Variants in IL3RA observed in about 807,000 individuals in gnomAD.
IL3RA encodes the protein interleukin-3 receptor subunit alpha.
A neutral mutation model predicts 52.3 loss-of-function variants in IL3RA; 73 were observed. The ratio of observed to expected loss-of-function variants is 1.40; its 90% confidence interval spans 1.16 to 1.70. The LOEUF (loss-of-function observed/expected upper bound fraction) is 1.70, where lower values mean the gene tolerates loss of function less well. Ranked by LOEUF, IL3RA falls within the 40% of genes most tolerant of loss-of-function variation. IL3RA has a pLI of 0.00. For synonymous variants in IL3RA, 260 were observed against 194.0 expected (o/e 1.34, Z -2.83); for missense variants, 664 against 504.4 (o/e 1.32, Z -3.03).
At chrX:1,349,457 G>C (rs182188043) in intron 4 of IL3RA, among the ~76,000 whole-genome samples, 105 of 151,996 alleles carry the variant, frequency 6.9e-4, no homozygotes, top group Non-Finnish European at 1.2e-3. Context: ...TGGGAGTACA[G>C]GGGTGAGCCA....
intron 3 of IL3RA, among the ~76,000 whole-genome samples, chrX:1,347,896 G>A (rs1262516988): frequency 6.6e-6 from 1 of 151,304 alleles, no homozygotes; most frequent in Non-Finnish European, 1.5e-5. Context: ...AATTAGCCGG[G>A]CGTGGTGGCG....
chrX:1,368,776 C>G (rs28873705), intron 9 of IL3RA, among the ~76,000 whole-genome samples: 49,299 of 126,346 alleles, frequency 0.39, 5,432 homozygotes, highest in African/African-American at 0.58. Flanking sequence ...CTGCCCACAC[C>G]TGGATCTCAG....
intron 2 of IL3RA, 92 bp from the exon 3 acceptor site, chrX:1,345,224 C>T: frequency 1.4e-6 from 1 of 740,404 alleles, no homozygotes; most frequent in Non-Finnish European, 2.2e-6. Flanking sequence ...TATTGGCTAA[C>T]TCCACGGGCA....
intron 3 of IL3RA, among the ~76,000 whole-genome samples, chrX:1,347,820 C>CCT (rs1364680498): frequency 1.3e-5 from 2 of 148,876 alleles, no homozygotes; most frequent in African/African-American, 5.0e-5. Context: ...GGGTGGATCA[C>CCT]GAGGTCAGGA....
Position 1,344,787 on chromosome X carries a change from AT to A in IL3RA, c.65-526del, listed in dbSNP as rs2085657245. Among the ~76,000 whole-genome samples the A allele has an allele frequency of 1.3e-5, 2 of 151,692 alleles. 1 individual carries two copies. The highest frequency in any genetic ancestry group is 4.8e-5 in the African/African-American group (2 of 41,266). On this transcript the variant is annotated intron_variant, in intron 2 of 11. Transcript: ENST00000331035. ...AAACTCCGTCTCAAAAAAATAAAAA[AT>A]TTAAAAAAATAAAGAACTCGACCTC...
Position 1,342,291 on chromosome X carries a change from G to A in IL3RA, c.64+462G>A, listed in dbSNP as rs1332386576. ...AGCGATTCTTCTGCCTCAGCCTCCC[G>A]AGGAGCTGAGATTACAGTCGCGCAC... On this transcript the variant is annotated intron_variant, in intron 2 of 11. Transcript: ENST00000331035. Among the ~76,000 whole-genome samples the A allele has an allele frequency of 4.0e-5, 6 of 150,986 alleles. No individual in the cohort carries two copies. The South Asian group carries it at 6.3e-4, about 16-fold the overall frequency.
chrX:1,382,382 T>C lies in IL3RA; in HGVS notation c.1063-9T>C. The C allele has an allele frequency of 6.2e-7, 1 of 1,613,184 alleles. No individual in the cohort carries two copies. The highest frequency in any genetic ancestry group is 8.5e-7 in the Non-Finnish European group (1 of 1,179,284). On this transcript the variant is annotated splice_polypyrimidine_tract_variant and intron_variant, in intron 11 of 11. Coordinates refer to ENST00000331035, the MANE Select transcript of IL3RA (RefSeq NM_002183.4). ...GGCCGACTCACCCTGCCTCCTCTCG[T>C]CTCTGCAGGTGGTCTGGGAGGCGGG...
intron 11 of IL3RA, among the ~76,000 whole-genome samples, chrX:1,381,922 C>CA (rs2089193789): frequency 6.7e-6 from 1 of 149,906 alleles, no homozygotes; most frequent in Non-Finnish European, 1.5e-5. Flanking sequence ...ACATCTCTGT[C>CA]AGAGTTTTTT....
chrX:1,342,692 C>G (rs1426394339), intron 2 of IL3RA, among the ~76,000 whole-genome samples: 1 of 151,254 alleles, frequency 6.6e-6, no homozygotes, highest in African/African-American at 2.4e-5. Context: ...TCCCAAGCAC[C>G]TGGGATTACA....
chrX:1,348,706 G>GTTTC (rs199553229), intron 4 of IL3RA, among the ~76,000 whole-genome samples, 161 bp downstream of exon 4: 33,932 of 70,606 alleles, frequency 0.48, 6,222 homozygotes, highest in African/African-American at 0.62. Flanking sequence ...CTTTCTTTCT[G>GTTTC]TTTCTGTTTC....
Position 1,352,460 on chromosome X carries a change from C to T in IL3RA, c.570C>T (p.Ala190=), listed in dbSNP as rs754197858. 11 of 1,613,822 alleles carry T rather than the reference C, an allele frequency of 6.8e-6. No individual in the cohort carries two copies. The Admixed American group carries it at 1.7e-4, about 24-fold the overall frequency. ...TCCTGGTGCGGGGCAGGAGCGCAGC[C>T]TTCGGTATCCCCTGCACAGATAAGT... The part of the protein sequence containing the change: ...SHILVRGRSA[A]FGIPCTDKFV... Residue 190 remains alanine (A), a synonymous_variant, in exon 6 of 12, where the codon GCC becomes GCT. Coordinates refer to ENST00000331035, the MANE Select transcript of IL3RA (RefSeq NM_002183.4).
chrX:1,380,704 G>T, intron 10 of IL3RA, among the ~76,000 whole-genome samples: 1 of 144,544 alleles, frequency 6.9e-6, no homozygotes, highest in Non-Finnish European at 1.5e-5. Context: ...GGGAGGAAGA[G>T]GGGGACGAGG....
rs1175545599 is a variant in IL3RA, at chrX:1,378,209, AAG to A, written c.875-448_875-447del. On this transcript the variant is annotated intron_variant, in intron 9 of 11. Coordinates refer to ENST00000331035, the MANE Select transcript of IL3RA (RefSeq NM_002183.4). ...AAAAAAAAAAAAAAAGAAAAAGAAAAAGAAAAAATTAACACACACACACAAAT... is the reference window on the plus strand; with the variant it reads ...AAAAAAAAAAAAAAAGAAAAAGAAAAAAAAAATTAACACACACACACAAAT... Among the ~76,000 whole-genome samples, 18 of 151,960 alleles carry A rather than the reference AAG, an allele frequency of 1.2e-4. 1 individual carries two copies. The South Asian group carries it at 2.7e-3, about 23-fold the overall frequency.
intron 9 of IL3RA, among the ~76,000 whole-genome samples, chrX:1,368,416 C>G (rs1303372003): frequency 6.6e-6 from 1 of 152,042 alleles, no homozygotes; most frequent in Non-Finnish European, 1.5e-5. Flanking sequence ...AAAACCCTGT[C>G]TCTACTAAAA....
At chrX:1,344,715 G>T (rs1216806298) in intron 2 of IL3RA, among the ~76,000 whole-genome samples, 10 of 151,566 alleles carry the variant, frequency 6.6e-5, no homozygotes, top group Admixed American at 2.0e-4. Flanking sequence ...AGAGGTTGCG[G>T]TGAGCTGAGA....
At chrX:1,376,882 C>T (rs1182099052) in intron 9 of IL3RA, among the ~76,000 whole-genome samples, 2 of 106,266 alleles carry the variant, frequency 1.9e-5, no homozygotes, top group African/African-American at 4.6e-5. Context: ...AGGGAGAAGA[C>T]GGCGTCTCCA....
At position 1,355,112 on chromosome X, in the gene IL3RA, AGAGGAGGAG is replaced by A. The variant is rs753456162; in HGVS notation, c.617-1096_617-1088del. ...GGCAGGAGGAAGAAGGAGCGGGAGGAGAGGAGGAGGAGGAGGAGGAGAATGGGCAGGGAG... is the reference window on the plus strand; with the variant it reads ...GGCAGGAGGAAGAAGGAGCGGGAGGAGAGGAGGAGGAGAATGGGCAGGGAG... On this transcript the variant is annotated intron_variant, in intron 6 of 11. Coordinates refer to ENST00000331035, the MANE Select transcript of IL3RA (RefSeq NM_002183.4). 1.2e-3 allele frequency among the ~76,000 whole-genome samples: 38 copies of A among 31,346 alleles called. 1 individual carries two copies. Among genetic ancestry groups the A allele is most frequent in the African/African-American group, 6.8e-3 (36 of 5,256 alleles). The allele number at this position is 31,346 out of a possible 152,430, so 20.6% of individuals were successfully genotyped here.
rs770533853 is a variant in IL3RA, at chrX:1,338,042, A to G, written c.-39+1116A>G. Among the ~76,000 whole-genome samples the G allele has an allele frequency of 6.1e-5, 9 of 148,020 alleles. No individual in the cohort carries two copies. In the South Asian group the frequency reaches 2.0e-3, roughly 33 times the overall value. On this transcript the variant is annotated intron_variant, in intron 1 of 11. Transcript: ENST00000331035. ...GAAATATAATGTGGTCCAGACACAC[A>G]GTGGAATATTATACAGCCATGAAAA... is the stretch of plus-strand genomic sequence containing the variant.
At chrX:1,345,067 G>T (rs2085677709) in intron 2 of IL3RA, among the ~76,000 whole-genome samples, 1 of 151,452 alleles carries the variant, frequency 6.6e-6, no homozygotes, top group Non-Finnish European at 1.5e-5. Flanking sequence ...TACTCGGGAG[G>T]CTGAGGCAGG....
Sources: allele counts gnomAD v4.1 joint callset (sites outside exome capture counted in the v4.1 genomes callset), GRCh38; gene constraint gnomAD v4.1.1; transcripts MANE v1.5; gene names NCBI Gene and HGNC (gene_info 2026-07-23, HGNC 2026-07-21).